Variants in XRCC4 observed in about 807,000 individuals in gnomAD.
The protein encoded by XRCC4 is X-ray repair cross complementing 4, also known as DNA repair protein XRCC4.
A neutral mutation model predicts 39.1 loss-of-function variants in XRCC4; 28 were observed. The ratio of observed to expected loss-of-function variants is 0.72; its 90% CI spans 0.53 to 0.98. The LOEUF (loss-of-function observed/expected upper bound fraction) is 0.98, where lower values mean the gene tolerates loss of function less well. Among genes scored for constraint, XRCC4 ranks in the 50% least tolerant of loss-of-function variants. The pLI is 0.00. For synonymous variants in XRCC4, 123 were observed against 126.4 expected (o/e 0.97, Z 0.18); for missense variants, 350 against 376.4 (o/e 0.93, Z 0.58).
At chr5:83,101,059 C>G (rs1210278580) in intron 1 of XRCC4, among the ~76,000 whole-genome samples, 1 of 151,974 alleles carries the variant, frequency 6.6e-6, no homozygotes, top group Non-Finnish European at 1.5e-5. Flanking sequence ...AAAAATTTTA[C>G]ATGCCTAATT....
At chr5:83,216,839 C>T (rs1751877932) in intron 6 of XRCC4, among the ~76,000 whole-genome samples, 1 of 151,910 alleles carries the variant, frequency 6.6e-6, no homozygotes, top group African/African-American at 2.4e-5. Context: ...TTCAAATGAG[C>T]CCAAGAGAAT....
intron 1 of XRCC4, among the ~76,000 whole-genome samples, chr5:83,090,848 C>T (rs1745394793): frequency 6.6e-6 from 1 of 152,132 alleles, no homozygotes; most frequent in Non-Finnish European, 1.5e-5. Flanking sequence ...CTTATAATAT[C>T]ACACACACTC....
intron 7 of XRCC4, among the ~76,000 whole-genome samples, chr5:83,311,409 T>C (rs1755706036): frequency 6.6e-6 from 1 of 152,202 alleles, no homozygotes; most frequent in Non-Finnish European, 1.5e-5. Context: ...GTGATGGATA[T>C]CTAAATTACC....
At chr5:83,337,319 C>T (rs1365001878) in intron 7 of XRCC4, among the ~76,000 whole-genome samples, 2 of 152,198 alleles carry the variant, frequency 1.3e-5, no homozygotes, top group Admixed American at 1.3e-4. Flanking sequence ...TTGGTTGACA[C>T]TCCTTCCATT....
chr5:83,097,510 A>G (rs189198409), intron 1 of XRCC4, among the ~76,000 whole-genome samples: 2 of 151,834 alleles, frequency 1.3e-5, no homozygotes, highest in East Asian at 3.9e-4. Flanking sequence ...TTCCTTTTTC[A>G]CACAAGTGCT....
At chr5:83,120,043 A>G (rs1746932714) in intron 3 of XRCC4, among the ~76,000 whole-genome samples, 1 of 148,202 alleles carries the variant, frequency 6.7e-6, no homozygotes, top group Non-Finnish European at 1.5e-5. Context: ...ACAAACAAAC[A>G]AAATAAAAAA....
intron 3 of XRCC4, among the ~76,000 whole-genome samples, chr5:83,144,136 TGTAA>T (rs372647815): frequency 1.2e-3 from 180 of 152,242 alleles, no homozygotes; most frequent in African/African-American, 4.0e-3. Flanking sequence ...AGCTCCCACT[TGTAA>T]GTGAGAACAT....
At chr5:83,346,085 A>G (rs1013602008) in intron 7 of XRCC4, among the ~76,000 whole-genome samples, 16 of 152,162 alleles carry the variant, frequency 1.1e-4, no homozygotes, top group Non-Finnish European at 2.1e-4. Flanking sequence ...GAGAAGTTTC[A>G]TTATATTCTC....
intron 7 of XRCC4, among the ~76,000 whole-genome samples, chr5:83,288,677 G>A (rs965218112): frequency 2.6e-5 from 4 of 151,714 alleles, no homozygotes; most frequent in African/African-American, 9.7e-5. Context: ...GTGTATGTAA[G>A]ATATTTTTTA....
intron 3 of XRCC4, among the ~76,000 whole-genome samples, chr5:83,156,488 T>A (rs936646779): frequency 2.8e-4 from 43 of 152,098 alleles, no homozygotes; most frequent in Non-Finnish European, 1.8e-4. Flanking sequence ...AAGGACATTT[T>A]ATTGTGATAA....
chr5:83,103,531 A>G (rs1028161417), intron 1 of XRCC4, among the ~76,000 whole-genome samples: 6 of 152,186 alleles, frequency 3.9e-5, no homozygotes, highest in Non-Finnish European at 8.8e-5. Context: ...AATTGAATAT[A>G]TCCATATCCT....
chr5:83,078,157 G>A (rs142719883), intron 1 of XRCC4, among the ~76,000 whole-genome samples: 6 of 152,314 alleles, frequency 3.9e-5, no homozygotes, highest in African/African-American at 7.2e-5. Context: ...AGATCAACTG[G>A]CAAGACAAAT....
chr5:83,130,413 AT>A (rs1747510565), intron 3 of XRCC4, among the ~76,000 whole-genome samples: 1 of 152,098 alleles, frequency 6.6e-6, no homozygotes, highest in Admixed American at 6.6e-5. Flanking sequence ...CTTCAGGGAT[AT>A]TGGTCTAAAA....
At chr5:83,299,868 C>A (rs138113966) in intron 7 of XRCC4, among the ~76,000 whole-genome samples, 108 of 152,194 alleles carry the variant, frequency 7.1e-4, no homozygotes, top group African/African-American at 2.5e-3. Context: ...TATTTGAAAT[C>A]TTCACCACCA....
rs184786692 is a variant in XRCC4, at chr5:83,218,376, T to G, written c.745+13455T>G. Among the ~76,000 whole-genome samples, 44 of 152,010 alleles carry G rather than the reference T, an allele frequency of 2.9e-4. 1 individual carries two copies. In the East Asian group the frequency reaches 8.3e-3, roughly 29 times the overall value. Reference sequence around the variant, plus strand: ...CCTGCAACCTATGTGAGAAATCCTGTGTTAGATGGTTTCGACTTTCATATG... The same window carrying G: ...CCTGCAACCTATGTGAGAAATCCTGGGTTAGATGGTTTCGACTTTCATATG... On this transcript the variant is annotated intron_variant, in intron 6 of 7. Coordinates refer to ENST00000396027, the MANE Select transcript of XRCC4 (RefSeq NM_003401.5).
rs185329018 is a variant in XRCC4, at chr5:83,224,557, A to C, written c.745+19636A>C. Among the ~76,000 whole-genome samples, 11 of 152,304 alleles carry C rather than the reference A, an allele frequency of 7.2e-5. No individual in the cohort carries two copies. In the East Asian group the frequency reaches 2.1e-3, roughly 29 times the overall value. On this transcript the variant is annotated intron_variant, in intron 6 of 7. Coordinates refer to ENST00000396027, the MANE Select transcript of XRCC4 (RefSeq NM_003401.5). ...TATAATTGATTTATCCAGCGGCACT[A>C]TAGCATTAGAGTGTTTTGAATTTGA...
chr5:83,357,315 A>C (rs948823966), downstream of XRCC4, among the ~76,000 whole-genome samples: 2 of 152,232 alleles, frequency 1.3e-5, no homozygotes, highest in African/African-American at 2.4e-5. Flanking sequence ...GATTGCATTG[A>C]GTTTTACACA....
intron 7 of XRCC4, among the ~76,000 whole-genome samples, chr5:83,261,943 A>T (rs1029039376): frequency 3.3e-5 from 5 of 152,138 alleles, no homozygotes; most frequent in Non-Finnish European, 7.4e-5. Flanking sequence ...TAAATACCAC[A>T]GGGTTATTTT....
At chr5:83,301,081 T>C (rs939225220) in intron 7 of XRCC4, among the ~76,000 whole-genome samples, 1 of 152,208 alleles carries the variant, frequency 6.6e-6, no homozygotes. Context: ...TTTATAATCC[T>C]TTGGGTATAT....
Sources: allele counts gnomAD v4.1 joint callset (sites outside exome capture counted in the v4.1 genomes callset), GRCh38; gene constraint gnomAD v4.1.1; transcripts MANE v1.5; gene names NCBI Gene and HGNC (gene_info 2026-07-23, HGNC 2026-07-21).